KLHL2: variants seen among roughly 807,000 people sequenced by gnomAD.
The protein encoded by KLHL2 is kelch like family member 2.
A neutral mutation model predicts 75.8 loss-of-function variants in KLHL2; 15 were observed. The ratio of observed to expected loss-of-function variants is 0.20; its 90% confidence interval spans 0.13 to 0.30. The LOEUF (loss-of-function observed/expected upper bound fraction) is 0.30. KLHL2 is among the 10% of genes least tolerant of loss of function. The pLI, the probability that KLHL2 is intolerant of heterozygous loss-of-function variation, is 1.00. For synonymous variants in KLHL2, 214 were observed against 251.9 expected (o/e 0.85, Z 1.42); for missense variants, 381 against 741.0 (o/e 0.51, Z 5.64).
intron 1 of KLHL2, chr4:165,210,293 T>C: frequency 9.4e-7 from 1 of 1,067,690 alleles, no homozygotes; most frequent in Non-Finnish European, 1.4e-6. Context: ...CAAATTTACA[T>C]TGTTCTCAGA....
chr4:165,321,451 TATAACACATAACATGTTATGACATAC>T (rs1746968758), intron 14 of KLHL2: 2 of 372,140 alleles, frequency 5.4e-6, no homozygotes, highest in Admixed American at 6.8e-5. Context: ...GAATACAATA[TATAACACATAACATGTTATGACATAC>T]ATAACATATA....
At chr4:165,264,708 A>G (rs200394627) in intron 5 of KLHL2, among the ~76,000 whole-genome samples, 11,890 of 66,246 alleles carry the variant, frequency 0.18, 938 homozygotes, top group Non-Finnish European at 0.2. Context: ...GTGTGTGTAT[A>G]TATATATATA....
At chr4:165,240,722 T>C (rs1437878695) in intron 4 of KLHL2, among the ~76,000 whole-genome samples, 1 of 152,216 alleles carries the variant, frequency 6.6e-6, no homozygotes, top group African/African-American at 2.4e-5. Context: ...TTTTAGTGCA[T>C]GGGCCTCATT....
intron 1 of KLHL2, among the ~76,000 whole-genome samples, chr4:165,217,041 C>T (rs1432133814): frequency 6.6e-6 from 1 of 152,154 alleles, no homozygotes; most frequent in African/African-American, 2.4e-5. Context: ...CAAATATAAA[C>T]ACTCCTGACT....
At chr4:165,233,951 G>GTC (rs1739119381) in intron 3 of KLHL2, among the ~76,000 whole-genome samples, 1 of 152,156 alleles carries the variant, frequency 6.6e-6, no homozygotes, top group South Asian at 2.1e-4. Context: ...ATCTTCTTCT[G>GTC]TCTCTCTACC....
At chr4:165,267,940 C>G (rs1422941882) in intron 5 of KLHL2, among the ~76,000 whole-genome samples, 6 of 152,156 alleles carry the variant, frequency 3.9e-5, no homozygotes, top group Non-Finnish European at 4.4e-5. Flanking sequence ...CCATCTGGTC[C>G]TGGACTTTTT....
At chr4:165,258,941 A>ATT (rs1315164890) in intron 4 of KLHL2, among the ~76,000 whole-genome samples, 1 of 152,188 alleles carries the variant, frequency 6.6e-6, no homozygotes, top group Admixed American at 6.5e-5. Context: ...ATTTTGCTAT[A>ATT]TTCTACAAGT....
At chr4:165,307,814 C>T (rs1745848755) in intron 9 of KLHL2, among the ~76,000 whole-genome samples, 1 of 152,084 alleles carries the variant, frequency 6.6e-6, no homozygotes, top group African/African-American at 2.4e-5. Flanking sequence ...GTTCTAGTAC[C>T]TTTACAGTTT....
chr4:165,234,928 G>C (rs1045399375), intron 3 of KLHL2, among the ~76,000 whole-genome samples: 42 of 152,058 alleles, frequency 2.8e-4, no homozygotes, highest in Non-Finnish European at 5.1e-4. Flanking sequence ...GAGGCCATGA[G>C]TTCAAGGCTG....
chr4:165,264,735 T>TATATATATATATATATACAC (rs1742071423), intron 5 of KLHL2, among the ~76,000 whole-genome samples: 1 of 79,794 alleles, frequency 1.3e-5, no homozygotes, highest in African/African-American at 4.4e-5. Context: ...TATATATATA[T>TATATATATATATATATACAC]ATATGTATAT....
chr4:165,297,666 A>T lies in KLHL2; in HGVS notation c.712A>T (p.Met238Leu), dbSNP rs994940302. The T allele has an allele frequency of 1.9e-6, 3 of 1,613,978 alleles. No homozygotes were observed. In the African/African-American group the frequency reaches 4.0e-5, roughly 22 times the overall value. Residue 238 changes from methionine to leucine, a missense_variant, in exon 7 of 15, where the codon ATG (methionine) becomes TTG (leucine). Coordinates refer to ENST00000226725, the MANE Select transcript of KLHL2 (RefSeq NM_007246.4). Reference sequence around the variant, plus strand: ...TGACAAGGATGTGAGGCAAGAGTTTATGGCCCGACTGATGGAACATGTACG... The same window carrying T: ...TGACAAGGATGTGAGGCAAGAGTTTTTGGCCCGACTGATGGAACATGTACG... ...NHDKDVRQEF[M>L]ARLMEHVRLP... is the part of the protein sequence containing the mutation.
chr4:165,272,437 G>A (rs1245638926), intron 5 of KLHL2, among the ~76,000 whole-genome samples: 1 of 152,172 alleles, frequency 6.6e-6, no homozygotes, highest in Non-Finnish European at 1.5e-5. Flanking sequence ...TAATGCACCT[G>A]TTATAAGTGA....
intron 1 of KLHL2, chr4:165,210,005 C>G: frequency 6.6e-7 from 1 of 1,508,536 alleles, no homozygotes; most frequent in African/African-American, 1.4e-5. Context: ...TAGGAAGGAA[C>G]TTTACCGGGC....
chr4:165,222,354 A>G (rs1240376088), intron 2 of KLHL2, among the ~76,000 whole-genome samples: 1 of 152,074 alleles, frequency 6.6e-6, no homozygotes, highest in Non-Finnish European at 1.5e-5. Context: ...AGGATTATTT[A>G]TAAGCTCCAG....
At position 165,264,757 on chromosome 4, in the gene KLHL2, T is replaced by TAC. The variant is rs1742099811; in HGVS notation, c.544+1399_544+1400insCA. Among the ~76,000 whole-genome samples, 8 of 88,906 alleles carry TAC rather than the reference T, an allele frequency of 9.0e-5. 1 individual carries two copies. The South Asian group carries it at 2.6e-3, about 28-fold the overall frequency. The allele number at this position is 88,906 out of a possible 152,430, so 58.3% of individuals were successfully genotyped here. The stretch of plus-strand genomic sequence containing the variant: ...ATATATATGTATATATATATATATA[T>TAC]ATATATATAAAACATTATCCACTCA... On this transcript the variant is annotated intron_variant, in intron 5 of 14. Transcript: ENST00000226725.
chr4:165,220,211 C>G, intron 2 of KLHL2, 152 bp downstream of exon 2: 3 of 1,289,946 alleles, frequency 2.3e-6, no homozygotes, highest in Non-Finnish European at 3.1e-6. Context: ...AGGAAAAGAG[C>G]AAATAATTTA....
rs148877371 is a variant in KLHL2, at chr4:165,299,104, GT to G, written c.772-402del. ...ACTTGCCCACTTGTGTTTGAAAAAG[GT>G]ATCATTAACTTATTAGTATTGTCTT... is the stretch of plus-strand genomic sequence containing the variant. On this transcript the variant is annotated intron_variant, in intron 7 of 14. Coordinates refer to ENST00000226725, the MANE Select transcript of KLHL2 (RefSeq NM_007246.4). Among the ~76,000 whole-genome samples, 1,236 of 152,180 alleles carry G rather than the reference GT, an allele frequency of 8.1e-3. 24 individuals are homozygous for G. The highest frequency in any genetic ancestry group is 0.028 in the African/African-American group (1,171 of 41,508).
At chr4:165,246,804 G>A (rs990913824) in intron 4 of KLHL2, among the ~76,000 whole-genome samples, 6 of 152,160 alleles carry the variant, frequency 3.9e-5, no homozygotes, top group African/African-American at 1.4e-4. Flanking sequence ...GAATAGGTTG[G>A]TTCTGTGATG....
chr4:165,262,872 C>G (rs548939541), intron 4 of KLHL2, among the ~76,000 whole-genome samples: 1 of 152,206 alleles, frequency 6.6e-6, no homozygotes, highest in Non-Finnish European at 1.5e-5. Context: ...AGTCACCATG[C>G]CCTGCCAAGA....
Sources: gnomAD v4.1 joint callset for allele counts (sites outside exome capture counted in the v4.1 genomes callset) on GRCh38, gnomAD v4.1.1 for gene constraint, MANE v1.5 for transcripts, NCBI Gene and HGNC (gene_info 2026-07-23, HGNC 2026-07-21) for gene names.